Variants in LRRFIP1 observed in about 807,000 individuals in gnomAD.
LRRFIP1 encodes LRR binding FLII interacting protein 1.
LRRFIP1 carries 62 observed loss-of-function variants against 104.4 expected under a neutral mutation model. The ratio of observed to expected loss-of-function variants is 0.59; its 90% CI spans 0.48 to 0.73. LRRFIP1 has a LOEUF of 0.73. Among genes scored for constraint, LRRFIP1 ranks in the 30% least tolerant of loss-of-function variants. The probability of loss-of-function intolerance (pLI) is 0.00; values close to 1 mark genes in which losing one functional copy is unlikely to be tolerated. For synonymous variants in LRRFIP1, 300 were observed against 299.0 expected, an observed-to-expected ratio of 1.00 and a Z score of -0.03; for missense variants, 796 against 824.5, an observed-to-expected ratio of 0.97 and a Z score of 0.42.
chr2:237,708,664 C>T lies in LRRFIP1; in HGVS notation c.183+34C>T, dbSNP rs894181538. 1.9e-6 allele frequency: 3 copies of T among 1,570,282 alleles called. No homozygotes were observed. In the African/African-American group the frequency reaches 4.0e-5, roughly 21 times the overall value. On this transcript the variant is annotated intron_variant, in intron 2 of 23. Transcript: ENST00000308482. ...TGGGGCTCCTTGTTGGGTCTTTTCA[C>T]AGTGATTTGCGTGCTGGGCCCAGGG...
chr2:237,743,698 C>T (rs917581549), intron 11 of LRRFIP1, among the ~76,000 whole-genome samples: 3 of 151,642 alleles, frequency 2.0e-5, no homozygotes, highest in African/African-American at 7.3e-5. Context: ...ATGGGACGCA[C>T]AGACAGGGGC....
At chr2:237,697,970 G>C (rs917204631) in intron 1 of LRRFIP1, among the ~76,000 whole-genome samples, 4 of 152,240 alleles carry the variant, frequency 2.6e-5, no homozygotes, top group African/African-American at 9.6e-5. Flanking sequence ...TTGCATGGAA[G>C]ATACTGTATA....
intron 1 of LRRFIP1, among the ~76,000 whole-genome samples, chr2:237,664,996 C>T (rs1474932429): frequency 6.6e-6 from 1 of 152,206 alleles, no homozygotes; most frequent in Admixed American, 6.5e-5. Flanking sequence ...TCAGGCTTGT[C>T]ATCAGACCAT....
intron 1 of LRRFIP1, among the ~76,000 whole-genome samples, chr2:237,632,606 C>A (rs923846381): frequency 6.6e-6 from 1 of 152,220 alleles, no homozygotes; most frequent in African/African-American, 2.4e-5. Context: ...AATAGCCCTC[C>A]TATATCAACC....
At chr2:237,685,158 G>A (rs918067119) in intron 1 of LRRFIP1, among the ~76,000 whole-genome samples, 1 of 148,908 alleles carries the variant, frequency 6.7e-6, no homozygotes, top group Admixed American at 6.7e-5. Context: ...TTTTCTTAGA[G>A]ATGCTTTACT....
At chr2:237,708,412 T>C (rs553429111) in intron 1 of LRRFIP1, 132 bp from the exon 2 acceptor site, 114 of 650,452 alleles carry the variant, frequency 1.8e-4, no homozygotes, top group Non-Finnish European at 2.4e-4. Flanking sequence ...TTTTACTCTA[T>C]GAATCTGGAA....
chr2:237,768,630 A>G (rs555112654), intron 19 of LRRFIP1: 26 of 152,340 alleles, frequency 1.7e-4, no homozygotes, highest in African/African-American at 5.3e-4. Flanking sequence ...ATTTGACTGT[A>G]AATTAAAATA....
At chr2:237,629,858 G>A (rs377045799) in intron 1 of LRRFIP1, among the ~76,000 whole-genome samples, 1 of 152,172 alleles carries the variant, frequency 6.6e-6, no homozygotes, top group South Asian at 2.1e-4. Context: ...CCCTCCCACC[G>A]AGGGAGATGC....
At chr2:237,745,340 G>T (rs1035456235) in intron 11 of LRRFIP1, among the ~76,000 whole-genome samples, 4 of 152,172 alleles carry the variant, frequency 2.6e-5, no homozygotes, top group Non-Finnish European at 5.9e-5. Flanking sequence ...TAGGTTAGAC[G>T]TTCATTTGCC....
chr2:237,743,868 T>C (rs2057451474), intron 11 of LRRFIP1, among the ~76,000 whole-genome samples: 1 of 152,148 alleles, frequency 6.6e-6, no homozygotes, highest in South Asian at 2.1e-4. Context: ...CCAACAGATC[T>C]GGGTCATCCA....
chr2:237,765,975 T>A, intron 19 of LRRFIP1: 1 of 944,534 alleles, frequency 1.1e-6, no homozygotes, highest in Non-Finnish European at 1.3e-6. Context: ...TTGTATGTAA[T>A]ACCACCTTTG....
intron 1 of LRRFIP1, among the ~76,000 whole-genome samples, chr2:237,665,986 T>C (rs780542367): frequency 2.6e-5 from 4 of 152,248 alleles, no homozygotes; most frequent in Admixed American, 6.5e-5. Flanking sequence ...GCTCACGGCC[T>C]TCCCCAGGGG....
intron 1 of LRRFIP1, among the ~76,000 whole-genome samples, chr2:237,679,284 A>C (rs1282358376): frequency 1.3e-5 from 2 of 152,220 alleles, no homozygotes; most frequent in African/African-American, 4.8e-5. Context: ...AAATTCTGAC[A>C]AGGCTGAGTC....
chr2:237,756,968 C>T (rs188470645), intron 16 of LRRFIP1, among the ~76,000 whole-genome samples: 61 of 151,572 alleles, frequency 4.0e-4, no homozygotes, highest in African/African-American at 1.4e-3. Context: ...TGGAGCGATG[C>T]GAGAGAGGGG....
chr2:237,723,220 T>C (rs2094597022), intron 6 of LRRFIP1, among the ~76,000 whole-genome samples: 1 of 152,224 alleles, frequency 6.6e-6, no homozygotes, highest in Non-Finnish European at 1.5e-5. Flanking sequence ...TGAAAATTGA[T>C]GACAGTGCAT....
At chr2:237,759,252 A>T (rs2059610285) in intron 18 of LRRFIP1, among the ~76,000 whole-genome samples, 1 of 152,116 alleles carries the variant, frequency 6.6e-6, no homozygotes, top group African/African-American at 2.4e-5. Context: ...CTACTAGATT[A>T]CAGGTGGAAG....
chr2:237,752,270 G>T (rs1449286188), intron 14 of LRRFIP1, among the ~76,000 whole-genome samples: 1 of 152,206 alleles, frequency 6.6e-6, no homozygotes, highest in Admixed American at 6.5e-5. Flanking sequence ...GCCAGGTGTG[G>T]TGGTGCGCAC....
intron 19 of LRRFIP1, chr2:237,763,687 A>G: frequency 3.1e-6 from 5 of 1,614,240 alleles, no homozygotes; most frequent in Non-Finnish European, 4.2e-6. Context: ...AACTTGACCA[A>G]GAAGGTGATG....
intron 19 of LRRFIP1, among the ~76,000 whole-genome samples, chr2:237,761,157 G>A (rs1333615960): frequency 6.6e-6 from 1 of 152,136 alleles, no homozygotes; most frequent in Non-Finnish European, 1.5e-5. Context: ...ATCTTCTCAG[G>A]CCTCGCATTC....
Sources: allele counts gnomAD v4.1 joint callset (sites outside exome capture counted in the v4.1 genomes callset), GRCh38; gene constraint gnomAD v4.1.1; transcripts MANE v1.5; gene names NCBI Gene and HGNC (gene_info 2026-07-23, HGNC 2026-07-21).